Variants in PSMG3 observed in about 807,000 individuals in gnomAD.
The protein encoded by PSMG3 is proteasome assembly chaperone 3.
Under a neutral mutation model 7.9 loss-of-function variants are expected in PSMG3, and 4 were observed. That is an observed-to-expected ratio of 0.51 (90% CI 0.25 to 1.16). The LOEUF is 1.16. Among genes scored for constraint, PSMG3 ranks in the 50% most tolerant of loss-of-function variants. PSMG3 has a pLI of 0.15. For missense variants in PSMG3, 151 were observed against 157.4 expected (o/e 0.96, Z 0.22); for synonymous variants, 81 against 69.8 (o/e 1.16, Z -0.80).
chr7:1,567,929 T>C, intron 1 of PSMG3, 79 bp from the exon 2 acceptor site: 1 of 1,449,194 alleles, frequency 6.9e-7, no homozygotes, highest in Non-Finnish European at 9.4e-7. Flanking sequence ...AAGTATCCCT[T>C]AGGAACCCAG....
At chr7:1,568,956 T>C (rs1416833329) in intron 1 of PSMG3, among the ~76,000 whole-genome samples, 168 bp downstream of exon 1, 1 of 152,076 alleles carries the variant, frequency 6.6e-6, no homozygotes, top group Non-Finnish European at 1.5e-5. Flanking sequence ...CCTCTCTCTA[T>C]ATATATATTT....
chr7:1,569,492 G>C lies in PSMG3; in HGVS notation c.-153C>G. Reference sequence around the variant, plus strand: ...AGGCCCATTCAAAAGAAGGGGCCAGGCGCGGTGGCTCATGCCTGTCATCCC... The same window carrying C: ...AGGCCCATTCAAAAGAAGGGGCCAGCCGCGGTGGCTCATGCCTGTCATCCC... On this transcript the variant is annotated 5_prime_UTR_variant, in exon 1 of 2. Coordinates refer to ENST00000288607, the MANE Select transcript of PSMG3 (RefSeq NM_032302.4). 1.5e-6 allele frequency: 1 copy of C among 646,648 alleles called. No individual in the cohort carries two copies. Among genetic ancestry groups the C allele is most frequent in the Non-Finnish European group, 2.6e-6 (1 of 385,012 alleles). The allele number at this position is 646,648 out of a possible 1,614,324, so 40.1% of individuals were successfully genotyped here.
At position 1,569,476 on chromosome 7, in the gene PSMG3, CAAAA is replaced by C; in HGVS notation, c.-141_-138del. The stretch of plus-strand genomic sequence containing the variant: ...AAACGGAAACGCAAGGAGGCCCATT[CAAAA>C]GAAGGGGCCAGGCGCGGTGGCTCAT... On this transcript the variant is annotated 5_prime_UTR_variant, in exon 1 of 2. An upstream open reading frame in the 5' UTR loses its in-frame stop. Coordinates refer to ENST00000288607, the MANE Select transcript of PSMG3 (RefSeq NM_032302.4). 1 of 722,980 alleles carries C rather than the reference CAAAA, an allele frequency of 1.4e-6. No homozygotes were observed. The highest frequency in any genetic ancestry group is 2.2e-6 in the Non-Finnish European group (1 of 451,000). The allele number at this position is 722,980 out of a possible 1,614,324, so 44.8% of individuals were successfully genotyped here.
chr7:1,567,918 G>C (rs1778805495), intron 1 of PSMG3, 68 bp from the exon 2 acceptor site: 5 of 1,527,342 alleles, frequency 3.3e-6, no homozygotes, highest in Non-Finnish European at 4.5e-6. Flanking sequence ...ATGCTTTCAT[G>C]AAGTATCCCT....
rs768891332 is a variant in PSMG3, at chr7:1,567,662, T to C, written c.*36A>G. 1.3e-6 allele frequency: 2 copies of C among 1,586,130 alleles called. No individual in the cohort carries two copies. Among genetic ancestry groups the C allele is most frequent in the South Asian group, 1.1e-5 (1 of 87,252 alleles). Reference sequence around the variant, plus strand: ...CTGAGTGGGTGTCTGGGTGTTCACGTGTCCTGCTGAGCAGCGCGGGGCGGC... The same window carrying C: ...CTGAGTGGGTGTCTGGGTGTTCACGCGTCCTGCTGAGCAGCGCGGGGCGGC... On this transcript the variant is annotated 3_prime_UTR_variant, in exon 2 of 2. Transcript: ENST00000288607.
In PSMG3 at chr7:1,567,394, C is replaced by CG. The variant is rs559573899; in HGVS notation, c.*303dup. The CG allele has an allele frequency of 8.7e-4, 265 of 305,772 alleles. No homozygotes were observed. The highest frequency in any genetic ancestry group is 6.9e-3 in the East Asian group (123 of 17,836). 18.9% of individuals were successfully genotyped at this position (305,772 alleles called of 1,614,324 possible). ...TTCCTCCTACAATTGATCCTGCACA[C>CG]GGGGGGGCCATGAGCCACGCCTGCT... On this transcript the variant is annotated 3_prime_UTR_variant, in exon 2 of 2. Coordinates refer to ENST00000288607, the MANE Select transcript of PSMG3 (RefSeq NM_032302.4).
chr7:1,567,791 GT>G lies in PSMG3; in HGVS notation c.275del (p.Asn92ThrfsTer10), dbSNP rs1173865499. On this transcript the variant is annotated frameshift_variant, in exon 2 of 2. Coordinates refer to ENST00000288607, the MANE Select transcript of PSMG3 (RefSeq NM_032302.4). LOFTEE classifies it high-confidence loss of function. The part of the protein sequence containing the change: ...LVAFVSQEAG[N>X]RAVLLAVAVK... Reference sequence around the variant, plus strand: ...CGGCCACGGCGAGGAGGACTGCTCTGTTTCCAGCTTCTTGAGACACAAACGC... The same window carrying G: ...CGGCCACGGCGAGGAGGACTGCTCTGTTCCAGCTTCTTGAGACACAAACGC... 6.2e-7 allele frequency: 1 copy of G among 1,614,158 alleles called. No homozygotes were observed.
At chr7:1,568,643 CCTTTT>C (rs1778817821) in intron 1 of PSMG3, among the ~76,000 whole-genome samples, 2 of 150,968 alleles carry the variant, frequency 1.3e-5, no homozygotes, top group Non-Finnish European at 3.0e-5. Flanking sequence ...TTTTTTGTTT[CCTTTT>C]CTTTTCCTTT....
rs1778862263 is a variant in PSMG3 at position 1,570,005 on chromosome 7, T to A, written c.-666A>T. 1 of 151,738 alleles carries A rather than the reference T, an allele frequency of 6.6e-6. No individual in the cohort carries two copies. Among genetic ancestry groups the A allele is most frequent in the Non-Finnish European group, 1.5e-5 (1 of 67,918 alleles). 9.4% of individuals were successfully genotyped at this position (151,738 alleles called of 1,614,324 possible). A position where few individuals can be genotyped will look rare whatever the true frequency, so the allele number is the denominator to read the frequency against. On this transcript the variant is annotated 5_prime_UTR_variant, in exon 1 of 2. Coordinates refer to ENST00000288607, the MANE Select transcript of PSMG3 (RefSeq NM_032302.4). ...CGGGGAAGCCCGCGGGTACCCGCGCTCACCAAGCCGGCGCCGCGCCCGGAA... is the reference window on the plus strand; with the variant it reads ...CGGGGAAGCCCGCGGGTACCCGCGCACACCAAGCCGGCGCCGCGCCCGGAA...
In PSMG3 at chr7:1,569,411, T is replaced by C. The variant is rs1778837598; in HGVS notation, c.-72A>G. 1 of 1,308,216 alleles carries C rather than the reference T, an allele frequency of 7.6e-7. No homozygotes were observed. The highest frequency in any genetic ancestry group is 2.3e-5 in the Admixed American group (1 of 44,098). 81.0% of individuals were successfully genotyped at this position (1,308,216 alleles called of 1,614,324 possible). A position where few individuals can be genotyped will look rare whatever the true frequency, so the allele number is the denominator to read the frequency against. ...GGAAAAAAAGGAGTCAATCAAACAG[T>C]ACAGCCTTGGGGCTCCCAAAAAAGT... On this transcript the variant is annotated 5_prime_UTR_variant, in exon 1 of 2. Transcript: ENST00000288607.
rs578208854 is a variant in PSMG3 at position 1,567,561 on chromosome 7, G to A, written c.*137C>T. 2.5e-5 allele frequency: 19 copies of A among 771,930 alleles called. No individual in the cohort carries two copies. The highest frequency in any genetic ancestry group is 2.0e-4 in the South Asian group (11 of 56,116). 47.8% of individuals were successfully genotyped at this position (771,930 alleles called of 1,614,324 possible). On this transcript the variant is annotated 3_prime_UTR_variant, in exon 2 of 2. Transcript: ENST00000288607. ...CAGAGTAAGAGTCTGCCTGAGACAC[G>A]AGTCTTTTTTCCTGGCTCCAAGGGC...
In PSMG3 at chr7:1,567,861, AAGG is replaced by A. The variant is rs1778804616; in HGVS notation, c.217-14_217-12del. The stretch of plus-strand genomic sequence containing the variant: ...GACATGGATGAGAGGCTGGTAAAGG[AAGG>A]AGAAGAAACCATTTTAACTGCAAGA... On this transcript the variant is annotated splice_polypyrimidine_tract_variant and intron_variant, in intron 1 of 1. Transcript: ENST00000288607. 2 of 1,611,436 alleles carry A rather than the reference AAGG, an allele frequency of 1.2e-6. No individual in the cohort carries two copies. The highest frequency in any genetic ancestry group is 1.7e-6 in the Non-Finnish European group (2 of 1,179,018).
intron 1 of PSMG3, among the ~76,000 whole-genome samples, chr7:1,568,387 C>T (rs1209030337): frequency 6.6e-6 from 1 of 151,982 alleles, no homozygotes; most frequent in Non-Finnish European, 1.5e-5. Context: ...TGCCCCATGT[C>T]CTTACTGACA....
rs937593004 is a variant in PSMG3, at chr7:1,567,489, C to T, written c.*209G>A. 25 of 480,176 alleles carry T rather than the reference C, an allele frequency of 5.2e-5. No individual in the cohort carries two copies. Among genetic ancestry groups the T allele is most frequent in the South Asian group, 2.7e-4 (7 of 25,638 alleles). 29.7% of individuals were successfully genotyped at this position (480,176 alleles called of 1,614,324 possible). On this transcript the variant is annotated 3_prime_UTR_variant, in exon 2 of 2. Transcript: ENST00000288607. ...TGGTGAGAACCATTCACGACTCCTC[C>T]GGGACCTGTTCCACCCTCCCCGTCA...
Position 1,569,109 on chromosome 7 carries a change from G to T in PSMG3, c.216+15C>A. 6.2e-7 allele frequency: 1 copy of T among 1,610,656 alleles called. No individual in the cohort carries two copies. The highest frequency in any genetic ancestry group is 8.5e-7 in the Non-Finnish European group (1 of 1,177,916). On this transcript the variant is annotated intron_variant, in intron 1 of 1. Coordinates refer to ENST00000288607, the MANE Select transcript of PSMG3 (RefSeq NM_032302.4). The stretch of plus-strand genomic sequence containing the variant: ...TTACAGGCGTGAGCCACAGTTCCCG[G>T]CCAATCCACTTTACCTCATCCTGCC...
intron 1 of PSMG3, 46 bp downstream of exon 1, chr7:1,569,078 C>T: frequency 1.9e-6 from 3 of 1,565,850 alleles, no homozygotes; most frequent in Non-Finnish European, 2.6e-6. Context: ...TCTGAAAGTG[C>T]TAGGGTTACA....
rs1396181667 is a variant in PSMG3 at position 1,569,994 on chromosome 7, G to A, written c.-655C>T. ...ACGCAGCCGCCCGGGGAAGCCCGCG[G>A]GTACCCGCGCTCACCAAGCCGGCGC... On this transcript the variant is annotated 5_prime_UTR_variant, in exon 1 of 2. Transcript: ENST00000288607. 6.6e-6 allele frequency: 1 copy of A among 151,932 alleles called. No individual in the cohort carries two copies. The highest frequency in any genetic ancestry group is 2.4e-5 in the African/African-American group (1 of 41,394). The allele number at this position is 151,932 out of a possible 1,614,324, so 9.4% of individuals were successfully genotyped here.
chr7:1,567,678 G>C lies in PSMG3; in HGVS notation c.*20C>G, dbSNP rs765012087. 3.7e-6 allele frequency: 6 copies of C among 1,610,784 alleles called. No individual in the cohort carries two copies. In the South Asian group the frequency reaches 6.6e-5, roughly 18 times the overall value. ...GTGTTCACGTGTCCTGCTGAGCAGCGCGGGGCGGCTGCCTCCAGGTCACCA... is the reference window on the plus strand; with the variant it reads ...GTGTTCACGTGTCCTGCTGAGCAGCCCGGGGCGGCTGCCTCCAGGTCACCA... On this transcript the variant is annotated 3_prime_UTR_variant, in exon 2 of 2. Coordinates refer to ENST00000288607, the MANE Select transcript of PSMG3 (RefSeq NM_032302.4).
Position 1,567,597 on chromosome 7 carries a change from G to T in PSMG3, c.*101C>A. The T allele has an allele frequency of 8.1e-7, 1 of 1,231,790 alleles. No homozygotes were observed. The highest frequency in any genetic ancestry group is 1.1e-6 in the Non-Finnish European group (1 of 887,154). 76.3% of individuals were successfully genotyped at this position (1,231,790 alleles called of 1,614,324 possible). On this transcript the variant is annotated 3_prime_UTR_variant, in exon 2 of 2. Coordinates refer to ENST00000288607, the MANE Select transcript of PSMG3 (RefSeq NM_032302.4). ...CCTGGCTCCAAGGGCTAGTGCCAAA[G>T]TTCCTCCCTCCACCGGGGAGGGAGG...
Sources: allele counts gnomAD v4.1 joint callset (sites outside exome capture counted in the v4.1 genomes callset), GRCh38; gene constraint gnomAD v4.1.1; transcripts MANE v1.5; gene names NCBI Gene and HGNC (gene_info 2026-07-23, HGNC 2026-07-21).